Variants in SIPA1L3 observed in about 807,000 individuals in gnomAD.
The protein encoded by SIPA1L3 is signal-induced proliferation-associated 1-like protein 3.
SIPA1L3 carries 59 observed loss-of-function variants against 150.1 expected under a neutral mutation model. That is an observed-to-expected ratio of 0.39 (90% confidence interval 0.32 to 0.49). The LOEUF (loss-of-function observed/expected upper bound fraction) is 0.49. Ranked by LOEUF, SIPA1L3 falls within the 20% of genes least tolerant of loss-of-function variation. The pLI is 0.86. For missense variants in SIPA1L3, 2,211 were observed against 2,489.5 expected, an observed-to-expected ratio of 0.89 and a Z score of 2.38; for synonymous variants, 1,070 against 1,077.6, an observed-to-expected ratio of 0.99 and a Z score of 0.14.
At chr19:38,022,326 G>A (rs770295355) in intron 1 of SIPA1L3, among the ~76,000 whole-genome samples, 5 of 152,264 alleles carry the variant, frequency 3.3e-5, no homozygotes, top group Non-Finnish European at 7.3e-5. Context: ...TACTCGGGAG[G>A]CTGAGGCGGG....
In SIPA1L3 at chr19:37,955,088, C is replaced by CAA. The variant is rs34802797; in HGVS notation, c.-379+47750_-379+47751dup. ...GGTGACAGAGTGAGATGCTGTCTCTCAAAAAAAAAAAAAAAAAAAAAGGCC... is the reference window on the plus strand; with the variant it reads ...GGTGACAGAGTGAGATGCTGTCTCTCAAAAAAAAAAAAAAAAAAAAAAAGGCC... On this transcript the variant is annotated intron_variant, in intron 1 of 21. Transcript: ENST00000222345. Among the ~76,000 whole-genome samples the CAA allele has an allele frequency of 4.8e-3, 218 of 45,068 alleles. 3 individuals are homozygous for CAA. Among genetic ancestry groups the CAA allele is most frequent in the East Asian group, 7.8e-3 (14 of 1,796 alleles). The allele number at this position is 45,068 out of a possible 152,430, so 29.6% of individuals were successfully genotyped here. A position where few individuals can be genotyped will look rare whatever the true frequency, so the allele number is the denominator to read the frequency against.
chr19:38,160,407 T>G lies in SIPA1L3; in HGVS notation c.3662-1846T>G, dbSNP rs941814066. On this transcript the variant is annotated intron_variant, in intron 13 of 21. Coordinates refer to ENST00000222345, the MANE Select transcript of SIPA1L3 (RefSeq NM_015073.3). ...TTGACATCCAGAGCAGCTGCTACTC[T>G]TTTTTTTTTTTTTGAGACGGAGTCT... is the stretch of plus-strand genomic sequence containing the variant. 2.1e-5 allele frequency among the ~76,000 whole-genome samples: 3 copies of G among 141,764 alleles called. No individual in the cohort carries two copies. In the East Asian group the frequency reaches 6.2e-4, roughly 29 times the overall value. The allele number at this position is 141,764 out of a possible 152,430, so 93.0% of individuals were successfully genotyped here.
In SIPA1L3 at chr19:38,081,543, C is replaced by A; in HGVS notation, c.-23C>A. On this transcript the variant is annotated 5_prime_UTR_variant, in exon 3 of 22. Coordinates refer to ENST00000222345, the MANE Select transcript of SIPA1L3 (RefSeq NM_015073.3). Reference sequence around the variant, plus strand: ...GTGACACCACAGCGTACGGGGCCAGCAGCACTCCAGTGCCCGTGGACTATG... The same window carrying A: ...GTGACACCACAGCGTACGGGGCCAGAAGCACTCCAGTGCCCGTGGACTATG... 1 of 1,552,540 alleles carries A rather than the reference C, an allele frequency of 6.4e-7. No homozygotes were observed. The highest frequency in any genetic ancestry group is 8.7e-7 in the Non-Finnish European group (1 of 1,145,542).
rs146420241 is a variant in SIPA1L3 at position 38,101,983 on chromosome 19, A to C, written c.2029+757A>C. ...TGCTTCGTGCTGCGCAAAGACAGCAAGCCTCAGAAGAGTGGGACCTGAATG... is the reference window on the plus strand; with the variant it reads ...TGCTTCGTGCTGCGCAAAGACAGCACGCCTCAGAAGAGTGGGACCTGAATG... On this transcript the variant is annotated intron_variant, in intron 6 of 21. Coordinates refer to ENST00000222345, the MANE Select transcript of SIPA1L3 (RefSeq NM_015073.3). 2.8e-3 allele frequency among the ~76,000 whole-genome samples: 419 copies of C among 152,316 alleles called. 2 individuals carry two copies. The highest frequency in any genetic ancestry group is 9.7e-3 in the African/African-American group (402 of 41,572).
chr19:38,119,400 T>A lies in SIPA1L3; in HGVS notation c.2386T>A (p.Leu796Met), dbSNP rs142856094. The change falls in exon 9 of 22, where the codon TTG (leucine) becomes ATG (methionine). Residue 796 changes from leucine (L) to methionine (M), a missense_variant. Physicochemically the swap from Leu to Met is conservative, Grantham distance 15. Transcript: ENST00000222345. Reference sequence around the variant, plus strand: ...CAAATCCGACGTCTTCAGAGACTTCTTGCTGGCCAAGGTGATTAACGCTGA... The same window carrying A: ...CAAATCCGACGTCTTCAGAGACTTCATGCTGGCCAAGGTGATTAACGCTGA... ...FRKSDVFRDF[L>M]LAKVINAENA... 7.4e-4 allele frequency: 1,202 copies of A among 1,614,210 alleles called. 1 individual carries two copies. The highest frequency in any genetic ancestry group is 9.6e-4 in the Non-Finnish European group (1,137 of 1,180,034).
In SIPA1L3 at chr19:38,081,546, C is replaced by T; in HGVS notation, c.-20C>T. 17 of 1,555,196 alleles carry T rather than the reference C, an allele frequency of 1.1e-5. No individual in the cohort carries two copies. Among genetic ancestry groups the T allele is most frequent in the Non-Finnish European group, 1.5e-5 (17 of 1,147,008 alleles). The stretch of plus-strand genomic sequence containing the variant: ...ACACCACAGCGTACGGGGCCAGCAG[C>T]ACTCCAGTGCCCGTGGACTATGACC... On this transcript the variant is annotated 5_prime_UTR_variant, in exon 3 of 22. Coordinates refer to ENST00000222345, the MANE Select transcript of SIPA1L3 (RefSeq NM_015073.3).
intron 1 of SIPA1L3, among the ~76,000 whole-genome samples, chr19:38,022,640 G>A (rs539182979): frequency 1.7e-4 from 26 of 149,532 alleles, no homozygotes; most frequent in Middle Eastern, 3.6e-3. Flanking sequence ...CCTGGGAGGC[G>A]GAGCCTGCAG....
chr19:38,159,550 A>G (rs1972028749), intron 13 of SIPA1L3, among the ~76,000 whole-genome samples: 1 of 152,230 alleles, frequency 6.6e-6, no homozygotes, highest in Non-Finnish European at 1.5e-5. Context: ...GCTCCTGCCC[A>G]TCGGGCACTC....
chr19:38,190,581 C>A (rs539473967), intron 16 of SIPA1L3, among the ~76,000 whole-genome samples: 3 of 152,252 alleles, frequency 2.0e-5, no homozygotes, highest in African/African-American at 7.2e-5. Context: ...TCTTTAAAAC[C>A]CTCGGGAACC....
At chr19:37,975,774 G>T (rs1032906394) in intron 1 of SIPA1L3, among the ~76,000 whole-genome samples, 3 of 152,160 alleles carry the variant, frequency 2.0e-5, no homozygotes, top group Non-Finnish European at 4.4e-5. Context: ...GGAGTCAGGG[G>T]TGCAGCCTCT....
chr19:38,107,003 G>T (rs1970637327), intron 7 of SIPA1L3, among the ~76,000 whole-genome samples: 1 of 152,204 alleles, frequency 6.6e-6, no homozygotes, highest in Non-Finnish European at 1.5e-5. Context: ...AGATTTATGG[G>T]TTATATAACT....
chr19:38,145,534 C>CAAAA (rs35073920), intron 12 of SIPA1L3, among the ~76,000 whole-genome samples: 1 of 94,294 alleles, frequency 1.1e-5, no homozygotes. Context: ...AACTCCGTCT[C>CAAAA]AAAAAAAAAA....
rs776638917 is a variant in SIPA1L3 at position 38,119,833 on chromosome 19, C to T, written c.2819C>T (p.Ala940Val). 10 of 1,613,130 alleles carry T rather than the reference C, an allele frequency of 6.2e-6. No individual in the cohort carries two copies. Among genetic ancestry groups the T allele is most frequent in the South Asian group, 1.1e-5 (1 of 91,064 alleles). Residue 940 changes from alanine to valine, a missense_variant, in exon 9 of 22, where the codon GCG (alanine) becomes GTG (valine). Ala to Val is a moderately conservative substitution (Grantham distance 64, BLOSUM62 0). Coordinates refer to ENST00000222345, the MANE Select transcript of SIPA1L3 (RefSeq NM_015073.3). ...YGRGDHIFLQ[A>V]TEGSVEDIRE... is the part of the protein sequence containing the mutation. The stretch of plus-strand genomic sequence containing the variant: ...CGAGGAGACCACATCTTCCTACAGG[C>T]GACAGAGGGTTCTGTGGAGGACATA...
chr19:37,931,994 C>T (rs954480907), intron 1 of SIPA1L3, among the ~76,000 whole-genome samples: 2 of 152,214 alleles, frequency 1.3e-5, no homozygotes, highest in Admixed American at 1.3e-4. Flanking sequence ...GTGCAGTGAG[C>T]ATTCCGGTTG....
chr19:37,911,389 C>T (rs2046376198), intron 1 of SIPA1L3, among the ~76,000 whole-genome samples: 1 of 152,070 alleles, frequency 6.6e-6, no homozygotes, highest in African/African-American at 2.4e-5. Flanking sequence ...CCTTCCAAGT[C>T]ATTACATATA....
At chr19:38,083,215 G>A in intron 3 of SIPA1L3, 116 bp downstream of exon 3, 1 of 1,106,840 alleles carries the variant, frequency 9.0e-7, no homozygotes, top group Non-Finnish European at 1.3e-6. Flanking sequence ...GGATGTGGCG[G>A]GAACAGAGAC....
chr19:38,135,010 C>A (rs12984016), intron 10 of SIPA1L3, among the ~76,000 whole-genome samples: 60,633 of 151,976 alleles, frequency 0.4, 12,498 homozygotes, highest in East Asian at 0.62. Flanking sequence ...CTGGTGTGAT[C>A]TCTGCTTTGT....
Position 38,207,264 on chromosome 19 carries a change from C to T in SIPA1L3, c.*1024C>T, listed in dbSNP as rs1973239988. The T allele has an allele frequency of 6.6e-6, 1 of 151,580 alleles. No homozygotes were observed. Among genetic ancestry groups the T allele is most frequent in the Non-Finnish European group, 1.5e-5 (1 of 67,928 alleles). The allele number at this position is 151,580 out of a possible 1,614,324, so 9.4% of individuals were successfully genotyped here. ...GCCCATCTCTCCGAGCAGCGGCCAC[C>T]AGACCCCCTCACCATGCTCCCCGGG... On this transcript the variant is annotated 3_prime_UTR_variant, in exon 22 of 22. Transcript: ENST00000222345.
chr19:38,135,847 C>G (rs1228034856), intron 10 of SIPA1L3, among the ~76,000 whole-genome samples: 3 of 151,986 alleles, frequency 2.0e-5, no homozygotes, highest in African/African-American at 7.2e-5. Flanking sequence ...TGGGCTTTCT[C>G]CAGCCTGTTG....
Sources: allele counts gnomAD v4.1 joint callset (sites outside exome capture counted in the v4.1 genomes callset), GRCh38; gene constraint gnomAD v4.1.1; transcripts MANE v1.5; gene names NCBI Gene and HGNC (gene_info 2026-07-23, HGNC 2026-07-21).